The following NALF1 variants were observed in gnomAD, a reference collection of about 807,000 sequenced individuals.
The protein encoded by NALF1 is NALCN channel auxiliary factor 1.
In NALF1, 3 loss-of-function variants were observed where a neutral mutation model predicts 48.4. The ratio of observed to expected loss-of-function variants is 0.06; its 90% confidence interval spans 0.03 to 0.16. The LOEUF is 0.16. Ranked by LOEUF, NALF1 falls within the 10% of genes least tolerant of loss-of-function variation. The pLI is 1.00. For synonymous variants in NALF1, 262 were observed against 245.7 expected, an observed-to-expected ratio of 1.07 and a Z score of -0.62; for missense variants, 526 against 571.5, an observed-to-expected ratio of 0.92 and a Z score of 0.81.
At chr13:107,442,936 A>T (rs1169009312) in intron 1 of NALF1, among the ~76,000 whole-genome samples, 1 of 152,174 alleles carries the variant, frequency 6.6e-6, no homozygotes, top group African/African-American at 2.4e-5. Context: ...GTCTAAAAAT[A>T]GGGCATAGAA....
intron 1 of NALF1, among the ~76,000 whole-genome samples, chr13:107,667,700 A>G (rs1340545874): frequency 1.3e-5 from 2 of 152,120 alleles, no homozygotes; most frequent in Non-Finnish European, 2.9e-5. Context: ...TCTAGAAAAA[A>G]ACGAATGCCA....
intron 1 of NALF1, among the ~76,000 whole-genome samples, chr13:107,461,498 T>C (rs1884918030): frequency 6.6e-6 from 1 of 152,214 alleles, no homozygotes; most frequent in African/African-American, 2.4e-5. Context: ...TGTATCAAAC[T>C]TCCAAAACTC....
At chr13:107,543,985 T>C (rs1026534713) in intron 1 of NALF1, among the ~76,000 whole-genome samples, 2 of 152,034 alleles carry the variant, frequency 1.3e-5, no homozygotes, top group Non-Finnish European at 2.9e-5. Flanking sequence ...ACCAATTTTT[T>C]AAAAAATCTA....
intron 1 of NALF1, among the ~76,000 whole-genome samples, chr13:107,279,043 C>CTTTTTTTTTTTTTT (rs200133690): frequency 1.6e-5 from 2 of 122,928 alleles, no homozygotes; most frequent in African/African-American, 6.1e-5. Flanking sequence ...TTCTTTTCTT[C>CTTTTTTTTTTTTTT]TTTTTTTTTT....
intron 1 of NALF1, among the ~76,000 whole-genome samples, chr13:107,558,140 CA>C (rs1877535581): frequency 6.6e-6 from 1 of 151,274 alleles, no homozygotes. Context: ...AAAAAAAATT[CA>C]AATGTTGATG....
At chr13:107,486,620 G>A (rs907931846) in intron 1 of NALF1, among the ~76,000 whole-genome samples, 1 of 152,168 alleles carries the variant, frequency 6.6e-6, no homozygotes, top group Non-Finnish European at 1.5e-5. Flanking sequence ...GATGTGGGAA[G>A]AGCCAGCCAA....
intron 1 of NALF1, among the ~76,000 whole-genome samples, chr13:107,313,251 G>A (rs1190228729): frequency 6.6e-6 from 1 of 151,872 alleles, no homozygotes; most frequent in African/African-American, 2.4e-5. Flanking sequence ...TAACAGAAAT[G>A]TATTTTCCAG....
chr13:107,824,327 T>C (rs1000202942), intron 1 of NALF1, among the ~76,000 whole-genome samples: 3 of 152,142 alleles, frequency 2.0e-5, no homozygotes, highest in Non-Finnish European at 2.9e-5. Context: ...GTGCCTAACA[T>C]AGCCCCTGCA....
intron 1 of NALF1, among the ~76,000 whole-genome samples, chr13:107,641,287 T>G (rs1408193410): frequency 6.6e-6 from 1 of 152,160 alleles, no homozygotes; most frequent in African/African-American, 2.4e-5. Flanking sequence ...GACAAATCGT[T>G]AATGGGTATG....
intron 1 of NALF1, among the ~76,000 whole-genome samples, chr13:107,469,336 A>C (rs990321348): frequency 1.3e-5 from 2 of 152,182 alleles, no homozygotes; most frequent in African/African-American, 4.8e-5. Flanking sequence ...ACGATGCCTC[A>C]AGTTTTATTT....
intron 1 of NALF1, among the ~76,000 whole-genome samples, chr13:107,386,294 C>A (rs1409897956): frequency 6.6e-6 from 1 of 152,150 alleles, no homozygotes; most frequent in African/African-American, 2.4e-5. Flanking sequence ...GCAACCCCAC[C>A]CCCTCTTGGT....
intron 1 of NALF1, among the ~76,000 whole-genome samples, chr13:107,702,850 T>C (rs533092975): frequency 6.6e-6 from 1 of 152,154 alleles, no homozygotes; most frequent in Non-Finnish European, 1.5e-5. Flanking sequence ...TCCAGCTCCA[T>C]CCATGTCCCT....
At chr13:107,626,209 T>A (rs1246967974) in intron 1 of NALF1, among the ~76,000 whole-genome samples, 2 of 152,008 alleles carry the variant, frequency 1.3e-5, no homozygotes, top group Admixed American at 1.3e-4. Context: ...AAAAGTTATA[T>A]GCAAAACTGT....
intron 1 of NALF1, among the ~76,000 whole-genome samples, chr13:107,696,717 C>T (rs192172247): frequency 1.3e-5 from 2 of 152,154 alleles, no homozygotes; most frequent in East Asian, 1.9e-4. Context: ...GTACACAAAA[C>T]GCTTAATAAA....
At chr13:107,252,898 T>C (rs528594606) in intron 1 of NALF1, among the ~76,000 whole-genome samples, 28 of 152,334 alleles carry the variant, frequency 1.8e-4, no homozygotes, top group African/African-American at 6.7e-4. Context: ...AATGTTATCT[T>C]TGAACATTAT....
chr13:107,590,842 A>T (rs1363756294), intron 1 of NALF1, among the ~76,000 whole-genome samples: 1 of 151,916 alleles, frequency 6.6e-6, no homozygotes, highest in East Asian at 1.9e-4. Context: ...CTGCTCAATC[A>T]TCATCCCCCA....
Position 107,167,868 on chromosome 13 carries a change from G to C in NALF1, c.*2629C>G, listed in dbSNP as rs1878699304. 6.6e-6 allele frequency: 1 copy of C among 152,170 alleles called. No individual in the cohort carries two copies. Among genetic ancestry groups the C allele is most frequent in the Admixed American group, 6.5e-5 (1 of 15,288 alleles). 9.4% of individuals were successfully genotyped at this position (152,170 alleles called of 1,614,324 possible). ...CAAACAAACGCTAAAACACGGGTAAGTGGAACCTTCTGATCCTCTTGTCTT... is the reference window on the plus strand; with the variant it reads ...CAAACAAACGCTAAAACACGGGTAACTGGAACCTTCTGATCCTCTTGTCTT... On this transcript the variant is annotated 3_prime_UTR_variant, in exon 3 of 3. Transcript: ENST00000375915.
At chr13:107,314,430 T>G (rs548324065) in intron 1 of NALF1, among the ~76,000 whole-genome samples, 20 of 152,090 alleles carry the variant, frequency 1.3e-4, no homozygotes, top group Admixed American at 4.6e-4. Flanking sequence ...CCACTGTCTA[T>G]ACTCCCTGTT....
chr13:107,808,082 T>C (rs1488119436), intron 1 of NALF1, among the ~76,000 whole-genome samples: 1 of 152,138 alleles, frequency 6.6e-6, no homozygotes, highest in African/African-American at 2.4e-5. Context: ...GAGACAATTA[T>C]ACTTGGCTAC....
Sources: allele counts gnomAD v4.1 joint callset (sites outside exome capture counted in the v4.1 genomes callset), GRCh38; gene constraint gnomAD v4.1.1; transcripts MANE v1.5; gene names NCBI Gene and HGNC (gene_info 2026-07-23, HGNC 2026-07-21).